Variants in CCDC158 observed in about 807,000 individuals in gnomAD.
CCDC158 encodes the protein coiled-coil domain containing 158, also known as coiled-coil domain-containing protein 158.
In CCDC158, 116 loss-of-function variants were observed where a neutral mutation model predicts 138.6. That is an observed-to-expected ratio of 0.84 (90% CI 0.72 to 0.98). The LOEUF (loss-of-function observed/expected upper bound fraction) is 0.98, where lower values mean the gene tolerates loss of function less well. CCDC158 is among the 50% of genes least tolerant of loss of function. The pLI, the probability that CCDC158 is intolerant of heterozygous loss-of-function variation, is 0.00. For missense variants in CCDC158, 1,265 were observed against 1,306.1 expected (o/e 0.97, Z 0.48); for synonymous variants, 436 against 442.4 (o/e 0.99, Z 0.18).
chr4:76,391,402 A>C (rs953206931), intron 4 of CCDC158, among the ~76,000 whole-genome samples: 11 of 152,072 alleles, frequency 7.2e-5, no homozygotes, highest in Non-Finnish European at 1.3e-4. Context: ...AATACACAGA[A>C]ATTAAACAAT....
rs1725023390 is a variant in CCDC158, at chr4:76,369,492, C to T, written c.1281G>A (p.Glu427=). The T allele has an allele frequency of 4.3e-6, 7 of 1,614,172 alleles. No individual in the cohort carries two copies. Among genetic ancestry groups the T allele is most frequent in the Non-Finnish European group, 5.1e-6 (6 of 1,180,028 alleles). Residue 427 remains glutamate, a synonymous_variant, in exon 11 of 25, where the codon GAG becomes GAA. Coordinates refer to ENST00000682701, the MANE Select transcript of CCDC158 (RefSeq NM_001394954.1). ...LRRELDNRNM[E]VQRLEALLKA... Reference sequence around the variant, plus strand: ...TGAGCAGGGCTTCCAGGCGCTGCACCTCCATGTTCCGGTTGTCCAGTTCCC... The same window carrying T: ...TGAGCAGGGCTTCCAGGCGCTGCACTTCCATGTTCCGGTTGTCCAGTTCCC...
intron 24 of CCDC158, among the ~76,000 whole-genome samples, chr4:76,322,201 T>G (rs1162647147): frequency 6.6e-6 from 1 of 152,150 alleles, no homozygotes; most frequent in Non-Finnish European, 1.5e-5. Context: ...CAAATGCTTT[T>G]CCTAATGTTC....
intron 9 of CCDC158, chr4:76,375,614 A>G (rs1725647867): frequency 2.8e-6 from 2 of 702,898 alleles, no homozygotes; most frequent in Non-Finnish European, 5.2e-6. Context: ...GTTGTCAAAA[A>G]GCGAAAGTTA....
At position 76,353,277 on chromosome 4, in the gene CCDC158, T is replaced by A. The variant is rs761294107; in HGVS notation, c.2291A>T (p.Lys764Ile). 6 of 1,603,792 alleles carry A rather than the reference T, an allele frequency of 3.7e-6. No individual in the cohort carries two copies. In the East Asian group the frequency reaches 1.3e-4, roughly 36 times the overall value. ...EEAMTNANKE[K>I]HFLKEEKSKL... The stretch of plus-strand genomic sequence containing the variant: ...ACTTTTCTCTTCTTTCAGAAAATGT[T>A]TCTCCTACAATTATATGAGAGAAAA... The change falls in exon 16 of 25, where the codon AAA becomes ATA. Residue 764 changes from lysine (K) to isoleucine (I), a missense_variant. Physicochemically the swap from Lys to Ile is moderately radical, Grantham distance 102 (BLOSUM62 -3). Coordinates refer to ENST00000682701, the MANE Select transcript of CCDC158 (RefSeq NM_001394954.1).
chr4:76,319,355 C>T (rs2110067345), intron 24 of CCDC158, among the ~76,000 whole-genome samples: 1 of 142,824 alleles, frequency 7.0e-6, no homozygotes, highest in South Asian at 2.3e-4. Flanking sequence ...ATCACTTGAA[C>T]CCGACAGGTG....
chr4:76,351,153 C>A lies in CCDC158; in HGVS notation c.2539-32G>T, dbSNP rs200617141. The A allele has an allele frequency of 1.8e-3, 2,770 of 1,571,370 alleles. 29 individuals carry two copies. The highest frequency in any genetic ancestry group is 4.2e-3 in the Middle Eastern group (25 of 5,890). On this transcript the variant is annotated intron_variant, in intron 17 of 24. Coordinates refer to ENST00000682701, the MANE Select transcript of CCDC158 (RefSeq NM_001394954.1). The stretch of plus-strand genomic sequence containing the variant: ...AACAATATAGAGGTAAGCAAAATAA[C>A]TGCCAGCCTACAATTATAAAGAAAT...
In CCDC158 at chr4:76,369,504, G is replaced by C; in HGVS notation, c.1269C>G (p.Asn423Lys). 6.2e-7 allele frequency: 1 copy of C among 1,614,156 alleles called. No individual in the cohort carries two copies. Among genetic ancestry groups the C allele is most frequent in the South Asian group, 1.1e-5 (1 of 91,080 alleles). The stretch of plus-strand genomic sequence containing the variant: ...CCAGGCGCTGCACCTCCATGTTCCG[G>C]TTGTCCAGTTCCCGCCGCAGGTGGT... ...TIDHLRRELD[N>K]RNMEVQRLEA... is the part of the protein sequence containing the mutation. The change falls in exon 11 of 25, where the codon AAC (asparagine) becomes AAG (lysine). Residue 423 changes from asparagine (N) to lysine (K), a missense_variant. Asn to Lys is a moderately conservative substitution (Grantham distance 94). Coordinates refer to ENST00000682701, the MANE Select transcript of CCDC158 (RefSeq NM_001394954.1).
At chr4:76,356,550 G>A (rs1303465627) in intron 14 of CCDC158, 1 of 152,052 alleles carries the variant, frequency 6.6e-6, no homozygotes, top group African/African-American at 2.4e-5. Flanking sequence ...AAGACCTCTC[G>A]AGTGACTTCT....
intron 18 of CCDC158, among the ~76,000 whole-genome samples, chr4:76,342,653 C>T (rs1722167405): frequency 6.6e-6 from 1 of 151,818 alleles, no homozygotes; most frequent in South Asian, 2.1e-4. Flanking sequence ...TATCTTAAGC[C>T]CCACTAAAAT....
chr4:76,345,404 G>C, intron 18 of CCDC158: 1 of 945,046 alleles, frequency 1.1e-6, no homozygotes, highest in Non-Finnish European at 1.8e-6. Context: ...AGGCACACCA[G>C]CAGGAGTGCT....
intron 18 of CCDC158, chr4:76,345,113 C>A: frequency 8.6e-7 from 1 of 1,157,440 alleles, no homozygotes; most frequent in Non-Finnish European, 1.3e-6. Context: ...TCTATATCCA[C>A]ACTGCAGCCT....
At chr4:76,414,862 G>T (rs2109922147) in intron 1 of CCDC158, among the ~76,000 whole-genome samples, 1 of 152,284 alleles carries the variant, frequency 6.6e-6, no homozygotes, top group South Asian at 2.1e-4. Flanking sequence ...GTCTTTAACA[G>T]CAGCGTGAAA....
chr4:76,389,504 C>G (rs1727120599), intron 4 of CCDC158, among the ~76,000 whole-genome samples: 2 of 152,034 alleles, frequency 1.3e-5, no homozygotes, highest in Non-Finnish European at 2.9e-5. Flanking sequence ...AGTTACTGGC[C>G]TTAAAAGGGA....
rs557126286 is a variant in CCDC158 at position 76,370,588 on chromosome 4, T to C, written c.1149+829A>G. Reference sequence around the variant, plus strand: ...GAAAAACTGGAGTTGGGAACATCAGTAAGGAGACTGCCATGCTTCAGGCAA... The same window carrying C: ...GAAAAACTGGAGTTGGGAACATCAGCAAGGAGACTGCCATGCTTCAGGCAA... On this transcript the variant is annotated intron_variant, in intron 10 of 24. Coordinates refer to ENST00000682701, the MANE Select transcript of CCDC158 (RefSeq NM_001394954.1). 7.2e-5 allele frequency among the ~76,000 whole-genome samples: 11 copies of C among 152,140 alleles called. No homozygotes were observed. The South Asian group carries it at 2.3e-3, about 32-fold the overall frequency.
intron 18 of CCDC158, among the ~76,000 whole-genome samples, chr4:76,349,790 T>G (rs184725615): frequency 2.0e-3 from 309 of 152,336 alleles, no homozygotes; most frequent in African/African-American, 6.8e-3. Flanking sequence ...ATCTATATAT[T>G]AAGCTGCTAG....
chr4:76,419,398 C>G (rs1729939411), intron 1 of CCDC158, among the ~76,000 whole-genome samples: 1 of 152,152 alleles, frequency 6.6e-6, no homozygotes. Context: ...CCTACAGTTT[C>G]CATAACAAAT....
intron 18 of CCDC158, among the ~76,000 whole-genome samples, chr4:76,346,217 C>T (rs1270827359): frequency 2.0e-5 from 3 of 152,110 alleles, no homozygotes; most frequent in African/African-American, 7.2e-5. Flanking sequence ...TTTCCTTACA[C>T]CTTATACAAA....
intron 4 of CCDC158, among the ~76,000 whole-genome samples, chr4:76,393,058 C>T (rs1164028523): frequency 6.6e-6 from 1 of 151,970 alleles, no homozygotes; most frequent in African/African-American, 2.4e-5. Flanking sequence ...CCATACAATC[C>T]AAAGCAATCT....
At chr4:76,326,707 A>G (rs529328810) in intron 22 of CCDC158, among the ~76,000 whole-genome samples, 1 of 152,326 alleles carries the variant, frequency 6.6e-6, no homozygotes, top group East Asian at 1.9e-4. Context: ...CTTAGTAGAA[A>G]CAATGAAAGC....
Sources: allele counts gnomAD v4.1 joint callset (sites outside exome capture counted in the v4.1 genomes callset), GRCh38; gene constraint gnomAD v4.1.1; transcripts MANE v1.5; gene names NCBI Gene and HGNC (gene_info 2026-07-23, HGNC 2026-07-21).